GSE1: variants seen among roughly 807,000 people sequenced by gnomAD.
The protein encoded by GSE1 is genetic suppressor element 1.
Under a neutral mutation model 112.6 loss-of-function variants are expected in GSE1, and 32 were observed. The ratio of observed to expected loss-of-function variants is 0.28; its 90% CI spans 0.21 to 0.38. The LOEUF (loss-of-function observed/expected upper bound fraction) is 0.38. Among genes scored for constraint, GSE1 ranks in the 10% least tolerant of loss-of-function variants. The probability of loss-of-function intolerance (pLI) is 1.00; values close to 1 mark genes in which losing one functional copy is unlikely to be tolerated. For synonymous variants in GSE1, 1,115 were observed against 735.6 expected (o/e 1.52, Z -8.35); for missense variants, 2,348 against 1,699.2 (o/e 1.38, Z -6.71).
At chr16:85,507,359 C>G (rs1477006176) in intron 2 of GSE1, among the ~76,000 whole-genome samples, 1 of 152,214 alleles carries the variant, frequency 6.6e-6, no homozygotes, top group Non-Finnish European at 1.5e-5. Flanking sequence ...CCCCACTCGT[C>G]TCTCTCTTCC....
In GSE1 at chr16:85,672,441, A is replaced by G. The variant is rs9940601; in HGVS notation, c.3556A>G (p.Arg1186Gly). Residue 1186 changes from arginine (R) to glycine (G), a missense_variant, in exon 16 of 16, where the codon AGG becomes GGG. Physicochemically the swap from Arg to Gly is moderately radical, Grantham distance 125. Coordinates refer to ENST00000253458, the MANE Select transcript of GSE1 (RefSeq NM_014615.5). ...CCAGAAACAGAAGATGGTCTCAGAA[A>G]GGGAGCGGCTCCAGGCAGAACTGGA... ...RSQKQKMVSE[R>G]ERLQAELDHL... 3 of 1,610,174 alleles carry G rather than the reference A, an allele frequency of 1.9e-6. No individual in the cohort carries two copies. Among genetic ancestry groups the G allele is most frequent in the East Asian group, 2.2e-5 (1 of 44,830 alleles).
intron 1 of GSE1, among the ~76,000 whole-genome samples, chr16:85,590,237 T>G (rs2046931652): frequency 6.6e-6 from 1 of 152,004 alleles, no homozygotes; most frequent in Non-Finnish European, 1.5e-5. Flanking sequence ...TGTGCGTGTG[T>G]GAACGTGTGG....
At chr16:85,519,986 C>A (rs2052125965) in intron 2 of GSE1, among the ~76,000 whole-genome samples, 1 of 152,138 alleles carries the variant, frequency 6.6e-6, no homozygotes, top group Non-Finnish European at 1.5e-5. Context: ...TGCTTTGGGG[C>A]TTCTGGCCCT....
intron 1 of GSE1, among the ~76,000 whole-genome samples, chr16:85,227,126 C>G (rs1006680674): frequency 6.6e-6 from 1 of 152,272 alleles, no homozygotes; most frequent in Admixed American, 6.5e-5. Context: ...TCCATCCATC[C>G]ATCCGCCCAC....
chr16:85,567,494 C>T (rs1034710002), intron 1 of GSE1, among the ~76,000 whole-genome samples: 3 of 152,058 alleles, frequency 2.0e-5, no homozygotes, highest in Non-Finnish European at 2.9e-5. Context: ...AGACCGCAGC[C>T]GGGGCTCTCA....
intron 2 of GSE1, among the ~76,000 whole-genome samples, chr16:85,482,983 A>ACAGAAC (rs144014707): frequency 1.3e-5 from 2 of 148,632 alleles, no homozygotes; most frequent in African/African-American, 5.2e-5. Context: ...GTCTCAAAAA[A>ACAGAAC]AAAAAAAAAA....
chr16:85,640,762 A>G (rs549976850), intron 2 of GSE1, among the ~76,000 whole-genome samples: 1 of 152,370 alleles, frequency 6.6e-6, no homozygotes, highest in South Asian at 2.1e-4. Context: ...CGGAGGAAGG[A>G]TCCCGCCTGG....
At chr16:85,550,248 C>A (rs2044856926) in intron 2 of GSE1, among the ~76,000 whole-genome samples, 1 of 152,132 alleles carries the variant, frequency 6.6e-6, no homozygotes, top group Admixed American at 6.5e-5. Flanking sequence ...CACTCTGGAG[C>A]CAGCTTGGGT....
rs553347978 is a variant in GSE1, at chr16:85,266,254, C to A, written c.2284-91209C>A. Reference sequence around the variant, plus strand: ...GCTCCGGGCGAGACTGCTGGGCATGCGTCCTCTCTCTCTAGGAAAACTCTA... The same window carrying A: ...GCTCCGGGCGAGACTGCTGGGCATGAGTCCTCTCTCTCTAGGAAAACTCTA... On this transcript the variant is annotated intron_variant, in intron 1 of 2. Coordinates refer to the GSE1 transcript ENST00000637419. 1.6e-4 allele frequency among the ~76,000 whole-genome samples: 25 copies of A among 152,298 alleles called. No homozygotes were observed. The South Asian group carries it at 5.0e-3, about 30-fold the overall frequency.
At chr16:85,394,567 A>G (rs1403560608) in intron 2 of GSE1, among the ~76,000 whole-genome samples, 2 of 151,926 alleles carry the variant, frequency 1.3e-5, no homozygotes, top group Non-Finnish European at 2.9e-5. Context: ...TTAGTCCTGG[A>G]TGGGCGGCAG....
chr16:85,565,268 T>G (rs2045692380), intron 1 of GSE1, among the ~76,000 whole-genome samples: 1 of 151,992 alleles, frequency 6.6e-6, no homozygotes, highest in South Asian at 2.1e-4. Context: ...GGTGCGTGCC[T>G]GTAATCCCAG....
chr16:85,195,015 CAG>C (rs2074899934), intron 1 of GSE1, among the ~76,000 whole-genome samples: 1 of 152,028 alleles, frequency 6.6e-6, no homozygotes, highest in Non-Finnish European at 1.5e-5. Flanking sequence ...AGGAATCACT[CAG>C]GAGATTTGTG....
At chr16:85,266,284 T>C (rs1296186265) in intron 1 of GSE1, among the ~76,000 whole-genome samples, 1 of 152,140 alleles carries the variant, frequency 6.6e-6, no homozygotes, top group Non-Finnish European at 1.5e-5. Context: ...ACTCTAGCAA[T>C]GAGCGAGCTT....
intron 1 of GSE1, among the ~76,000 whole-genome samples, chr16:85,268,044 C>T (rs1318869629): frequency 1.3e-5 from 2 of 152,206 alleles, no homozygotes; most frequent in East Asian, 1.9e-4. Flanking sequence ...TGCCCAGAGG[C>T]TGCCAGGCTT....
intron 1 of GSE1, among the ~76,000 whole-genome samples, chr16:85,270,128 G>T (rs906599408): frequency 5.4e-5 from 8 of 148,928 alleles, no homozygotes; most frequent in Non-Finnish European, 1.1e-4. Flanking sequence ...ACTCCTCTGG[G>T]GTCACACTGG....
At chr16:85,642,084 C>G (rs2050493939) in intron 2 of GSE1, among the ~76,000 whole-genome samples, 1 of 152,272 alleles carries the variant, frequency 6.6e-6, no homozygotes, top group Non-Finnish European at 1.5e-5. Flanking sequence ...GTTGGTGGGT[C>G]TGCTCCAGAG....
At chr16:85,173,231 A>T (rs2074393250) in intron 1 of GSE1, among the ~76,000 whole-genome samples, 1 of 152,222 alleles carries the variant, frequency 6.6e-6, no homozygotes, top group East Asian at 1.9e-4. Flanking sequence ...ATCTCATTTT[A>T]TAGATGAGTC....
At chr16:85,432,398 G>T (rs1597736739) in intron 2 of GSE1, among the ~76,000 whole-genome samples, 1 of 152,248 alleles carries the variant, frequency 6.6e-6, no homozygotes. Context: ...CACAGGCAAC[G>T]AGAGACTGGG....
intron 2 of GSE1, among the ~76,000 whole-genome samples, chr16:85,520,709 C>T (rs376123780): frequency 5.1e-4 from 78 of 152,240 alleles, no homozygotes; most frequent in African/African-American, 1.8e-3. Flanking sequence ...AGGAGTGAGC[C>T]ACCGCGCCTA....
Sources: allele counts gnomAD v4.1 joint callset (sites outside exome capture counted in the v4.1 genomes callset), GRCh38; gene constraint gnomAD v4.1.1; transcripts MANE v1.5; gene names NCBI Gene and HGNC (gene_info 2026-07-23, HGNC 2026-07-21).